Variants in PLEKHG5 observed in about 807,000 individuals in gnomAD.
The protein encoded by PLEKHG5 is pleckstrin homology and RhoGEF domain containing G5.
A neutral mutation model predicts 103.8 loss-of-function variants in PLEKHG5; 52 were observed. The ratio of observed to expected loss-of-function variants is 0.50; its 90% CI spans 0.40 to 0.63. The LOEUF (loss-of-function observed/expected upper bound fraction) is 0.63, where lower values mean the gene tolerates loss of function less well. PLEKHG5 is among the 30% of genes least tolerant of loss of function. The pLI is 0.00. For synonymous variants in PLEKHG5, 592 were observed against 575.5 expected (o/e 1.03, Z -0.41); for missense variants, 1,205 against 1,347.6 (o/e 0.89, Z 1.66).
At chr1:6,519,347 G>A (rs1321651773) in intron 1 of PLEKHG5, 1 of 922,712 alleles carries the variant, frequency 1.1e-6, no homozygotes, top group Non-Finnish European at 1.8e-6. Flanking sequence ...TTCAGTGAGT[G>A]TGAGTCCTTG....
intron 1 of PLEKHG5, among the ~76,000 whole-genome samples, chr1:6,510,639 C>A (rs988500005): frequency 6.6e-6 from 1 of 152,222 alleles, no homozygotes; most frequent in Admixed American, 6.5e-5. Flanking sequence ...AGGCTGAGAA[C>A]CCTACAGGGC....
chr1:6,474,004 C>G lies in PLEKHG5; in HGVS notation c.591+9G>C, dbSNP rs372310391. The stretch of plus-strand genomic sequence containing the variant: ...CACCCCCTCCCCTGACACACCCCCT[C>G]CTCCTCACCAAGATGTCCAGGCTCT... On this transcript the variant is annotated intron_variant, in intron 7 of 20. Transcript: ENST00000377728. 5.7e-6 allele frequency: 9 copies of G among 1,579,364 alleles called. No homozygotes were observed. The African/African-American group carries it at 1.2e-4, about 21-fold the overall frequency.
Position 6,470,604 on chromosome 1 carries a change from A to G in PLEKHG5, c.1582T>C (p.Cys528Arg). ...TGCCGCTCCTGCCGCTGCCGCATGCACGCGTTCACGTGGTGGATGAAGCGC... is the reference window on the plus strand; with the variant it reads ...TGCCGCTCCTGCCGCTGCCGCATGCGCGCGTTCACGTGGTGGATGAAGCGC... ...VERFIHHVNA[C>R]MRQRQERQRL... Residue 528 changes from cysteine (C) to arginine (R), a missense_variant, in exon 15 of 21, where the codon TGC becomes CGC. By Grantham distance (180) the Cys-to-Arg change is radical. Coordinates refer to ENST00000377728, the MANE Select transcript of PLEKHG5 (RefSeq NM_020631.6). The G allele has an allele frequency of 6.3e-7, 1 of 1,599,274 alleles. No homozygotes were observed. Among genetic ancestry groups the G allele is most frequent in the Non-Finnish European group, 8.5e-7 (1 of 1,177,548 alleles).
intron 12 of PLEKHG5, 61 bp from the exon 13 acceptor site, chr1:6,471,161 C>T: frequency 1.5e-6 from 2 of 1,374,260 alleles, no homozygotes; most frequent in Admixed American, 2.0e-5. Context: ...GGCCGGCCCG[C>T]GCCAGGCGCT....
chr1:6,511,339 C>T (rs1435982982), intron 1 of PLEKHG5, among the ~76,000 whole-genome samples: 1 of 152,180 alleles, frequency 6.6e-6, no homozygotes, highest in African/African-American at 2.4e-5. Flanking sequence ...CCAAAGAGGA[C>T]AGGCACCACC....
intron 1 of PLEKHG5, among the ~76,000 whole-genome samples, chr1:6,478,724 T>A (rs4908897): frequency 0.15 from 22,605 of 151,884 alleles, 2,770 homozygotes; most frequent in African/African-American, 0.34. Flanking sequence ...GCTCACTGCA[T>A]CCTCCGCCTC....
chr1:6,506,984 A>G (rs902659856), intron 1 of PLEKHG5, among the ~76,000 whole-genome samples: 2 of 152,174 alleles, frequency 1.3e-5, no homozygotes, highest in Admixed American at 6.5e-5. Flanking sequence ...GTGGAGCTGG[A>G]GGAAGTCAGA....
upstream of PLEKHG5, among the ~76,000 whole-genome samples, chr1:6,499,531 G>T (rs143456726): frequency 6.6e-6 from 1 of 152,138 alleles, no homozygotes; most frequent in African/African-American, 2.4e-5. Context: ...CCTGCATTGC[G>T]TAGGCGAGCT....
rs1363362866 is a variant in PLEKHG5 at position 6,487,264 on chromosome 1, C to T, written c.-88+4373G>A. On this transcript the variant is annotated intron_variant, in intron 1 of 20. Transcript: ENST00000377728. The surrounding 1 kb of genome is among the most constrained non-coding windows in gnomAD (Gnocchi z 4.1). ...CCCAGTAGCTGGGATTACAGGCGCCCGCCACTACACCCAGCTACTTTTTGT... is the reference window on the plus strand; with the variant it reads ...CCCAGTAGCTGGGATTACAGGCGCCTGCCACTACACCCAGCTACTTTTTGT... Among the ~76,000 whole-genome samples the T allele has an allele frequency of 1.3e-5, 2 of 152,142 alleles. No individual in the cohort carries two copies. The highest frequency in any genetic ancestry group is 2.4e-5 in the African/African-American group (1 of 41,406).
rs2148587188 is a variant in PLEKHG5, at chr1:6,472,570, T to C, written c.1037A>G (p.His346Arg). 1 of 1,613,806 alleles carries C rather than the reference T, an allele frequency of 6.2e-7. No individual in the cohort carries two copies. The highest frequency in any genetic ancestry group is 8.5e-7 in the Non-Finnish European group (1 of 1,179,934). Residue 346 changes from histidine to arginine, a missense_variant, in exon 10 of 21, where the codon CAC (histidine) becomes CGC (arginine). Coordinates refer to ENST00000377728, the MANE Select transcript of PLEKHG5 (RefSeq NM_020631.6). ...TTTCCTGATGTAGGAGGCCTCCGTGTGCAGCAGCTCCCACACCGCCTCCTG... is the reference window on the plus strand; with the variant it reads ...TTTCCTGATGTAGGAGGCCTCCGTGCGCAGCAGCTCCCACACCGCCTCCTG... ...HQQEAVWELL[H>R]TEASYIRKLR...
At position 6,474,025 on chromosome 1, in the gene PLEKHG5, G is replaced by C; in HGVS notation, c.579C>G (p.Ser193Arg). 1 of 1,602,566 alleles carries C rather than the reference G, an allele frequency of 6.2e-7. No homozygotes were observed. Among genetic ancestry groups the C allele is most frequent in the South Asian group, 1.1e-5 (1 of 89,538 alleles). ...ERVDAQSRRE[S>R]LDILAPGRRR... ...CCCTCCTCCTCACCAAGATGTCCAG[G>C]CTCTCCCGGCGGCTCTGGGCGTCCA... is the stretch of plus-strand genomic sequence containing the variant. Residue 193 changes from serine to arginine, a missense_variant, in exon 7 of 21, where the codon AGC becomes AGG. Transcript: ENST00000377728.
intron 1 of PLEKHG5, chr1:6,485,510 T>C: frequency 1.6e-6 from 2 of 1,230,008 alleles, no homozygotes; most frequent in Non-Finnish European, 2.0e-6. Flanking sequence ...CTTCCTGCCA[T>C]TGTGCGGCCG....
chr1:6,468,846 G>A lies in PLEKHG5; in HGVS notation c.2249+196C>T, dbSNP rs140267876. 1.5e-3 allele frequency among the ~76,000 whole-genome samples: 225 copies of A among 152,304 alleles called. 1 individual carries two copies. Among genetic ancestry groups the A allele is most frequent in the African/African-American group, 5.1e-3 (211 of 41,564 alleles). On this transcript the variant is annotated intron_variant, in intron 19 of 20. Coordinates refer to ENST00000377728, the MANE Select transcript of PLEKHG5 (RefSeq NM_020631.6). Reference sequence around the variant, plus strand: ...GCACAGCACCCCAGGCAGCTACCACGAATGGATCAGGGCTGGCAGCACATG... The same window carrying A: ...GCACAGCACCCCAGGCAGCTACCACAAATGGATCAGGGCTGGCAGCACATG...
chr1:6,488,475 G>A (rs1388293518), intron 1 of PLEKHG5, among the ~76,000 whole-genome samples: 3 of 152,236 alleles, frequency 2.0e-5, no homozygotes, highest in African/African-American at 7.2e-5. Flanking sequence ...CCGGTGTGGG[G>A]TAACCAGGTT....
In PLEKHG5 at chr1:6,487,487, C is replaced by T. The variant is rs989448457; in HGVS notation, c.-88+4150G>A. Among the ~76,000 whole-genome samples the T allele has an allele frequency of 6.6e-5, 10 of 152,178 alleles. No homozygotes were observed. The highest frequency in any genetic ancestry group is 2.4e-4 in the African/African-American group (10 of 41,436). Reference sequence around the variant, plus strand: ...TGAAATCCCACCATGGCCGGGCTCCCGCCTCCCTCCCAGCTGGTCCGCACA... The same window carrying T: ...TGAAATCCCACCATGGCCGGGCTCCTGCCTCCCTCCCAGCTGGTCCGCACA... On this transcript the variant is annotated intron_variant, in intron 1 of 20. Coordinates refer to ENST00000377728, the MANE Select transcript of PLEKHG5 (RefSeq NM_020631.6). The surrounding 1 kb of genome is among the most constrained non-coding windows in gnomAD (Gnocchi z 4.1).
upstream of PLEKHG5, chr1:6,497,124 G>A (rs1645237941): frequency 2.5e-6 from 3 of 1,217,702 alleles, no homozygotes; most frequent in South Asian, 2.7e-5. The surrounding 1 kb of genome is among the most constrained non-coding windows in gnomAD (Gnocchi z 6.1). Flanking sequence ...ACCAGCGAGA[G>A]GCGGGGGGAG....
chr1:6,500,031 G>A (rs1040725608), upstream of PLEKHG5, among the ~76,000 whole-genome samples: 3 of 152,118 alleles, frequency 2.0e-5, no homozygotes, highest in South Asian at 2.1e-4. Context: ...CGAACTCCTG[G>A]CTTCAAGGGA....
At chr1:6,511,177 TG>T (rs1319237747) in intron 1 of PLEKHG5, among the ~76,000 whole-genome samples, 1 of 152,024 alleles carries the variant, frequency 6.6e-6, no homozygotes, top group Admixed American at 6.5e-5. Context: ...TGGAAGATGC[TG>T]GTGGAAACCT....
rs1645129107 is a variant in PLEKHG5, at chr1:6,490,457, C to G, written c.-88+1180G>C. The G allele has an allele frequency of 1.0e-6, 1 of 980,156 alleles. No individual in the cohort carries two copies. The highest frequency in any genetic ancestry group is 1.9e-5 in the African/African-American group (1 of 52,814). The allele number at this position is 980,156 out of a possible 1,614,324, so 60.7% of individuals were successfully genotyped here. A position where few individuals can be genotyped will look rare whatever the true frequency, so the allele number is the denominator to read the frequency against. On this transcript the variant is annotated intron_variant, in intron 1 of 20. Coordinates refer to ENST00000377728, the MANE Select transcript of PLEKHG5 (RefSeq NM_020631.6). The surrounding 1 kb of genome is among the most constrained non-coding windows in gnomAD (Gnocchi z 8.0). ...CCCCGCGACTCACCTAGGAACAGGA[C>G]CAGGGTCTCCTCCCCGGTGTCTAAG...
Sources: gnomAD v4.1 joint callset for allele counts (sites outside exome capture counted in the v4.1 genomes callset) on GRCh38, gnomAD v4.1.1 for gene constraint, Gnocchi (gnomAD v3.1) non-coding constraint, MANE v1.5 for transcripts, NCBI Gene and HGNC (gene_info 2026-07-23, HGNC 2026-07-21) for gene names.